SLC4A4: variants seen among roughly 807,000 people sequenced by gnomAD.
The protein encoded by SLC4A4 is electrogenic sodium bicarbonate cotransporter 1.
A neutral mutation model predicts 111.5 loss-of-function variants in SLC4A4; 27 were observed. The ratio of observed to expected loss-of-function variants is 0.24; its 90% CI spans 0.18 to 0.33. SLC4A4 has a LOEUF of 0.33. SLC4A4 is among the 10% of genes least tolerant of loss of function. The pLI is 1.00. For missense variants in SLC4A4, 909 were observed against 1,315.5 expected (o/e 0.69, Z 4.78); for synonymous variants, 443 against 463.4 (o/e 0.96, Z 0.57).
At chr4:71,087,346 A>G (rs1275367515) in intron 1 of SLC4A4, among the ~76,000 whole-genome samples, 1 of 151,696 alleles carries the variant, frequency 6.6e-6, no homozygotes, top group Non-Finnish European at 1.5e-5. Flanking sequence ...TGATCTTTTC[A>G]AAAAACCAGC....
chr4:71,409,735 A>T (rs1163290243), intron 7 of SLC4A4, among the ~76,000 whole-genome samples: 1 of 152,220 alleles, frequency 6.6e-6, no homozygotes, highest in Non-Finnish European at 1.5e-5. Context: ...TTATTCCCCA[A>T]GACCATGGGA....
chr4:71,479,825 A>G (rs1728708489), intron 14 of SLC4A4, among the ~76,000 whole-genome samples: 1 of 151,728 alleles, frequency 6.6e-6, no homozygotes, highest in Non-Finnish European at 1.5e-5. Flanking sequence ...ATGTTTTAGC[A>G]GTTTCTGCAT....
intron 1 of SLC4A4, among the ~76,000 whole-genome samples, chr4:71,071,777 T>G (rs1741670816): frequency 6.6e-6 from 1 of 152,234 alleles, no homozygotes; most frequent in African/African-American, 2.4e-5. Flanking sequence ...CTTGGAAGGT[T>G]GCATATGATT....
In SLC4A4 at chr4:71,440,699, T is replaced by C; in HGVS notation, c.891T>C (p.Thr297=). The C allele has an allele frequency of 6.2e-7, 1 of 1,614,132 alleles. No homozygotes were observed. The highest frequency in any genetic ancestry group is 8.5e-7 in the Non-Finnish European group (1 of 1,179,990). Residue 297 remains threonine (T), a synonymous_variant, in exon 8 of 26, where the codon ACT becomes ACC. Coordinates refer to ENST00000264485, the MANE Select transcript of SLC4A4 (RefSeq NM_001098484.3). The part of the protein sequence containing the change: ...VLVGEVDFLD[T]PFIAFVRLQQ... ...TTGGGGAGGTTGACTTTTTGGATAC[T>C]CCTTTCATTGCCTTTGTTAGGCTAC...
chr4:71,081,473 C>G (rs1426905849), intron 1 of SLC4A4, among the ~76,000 whole-genome samples: 1 of 152,098 alleles, frequency 6.6e-6, no homozygotes, highest in African/African-American at 2.4e-5. Flanking sequence ...TCCACACCCC[C>G]ACCATGGCTG....
In SLC4A4 at chr4:71,072,951, A is replaced by G. The variant is rs533682477; in HGVS notation, c.-65+10163A>G. 2.6e-5 allele frequency among the ~76,000 whole-genome samples: 4 copies of G among 151,764 alleles called. No homozygotes were observed. In the South Asian group the frequency reaches 6.3e-4, roughly 24 times the overall value. On this transcript the variant is annotated intron_variant, in intron 1 of 26. Transcript: ENST00000649996. The stretch of plus-strand genomic sequence containing the variant: ...CCCAGTTAATTTTTGTATTATTATT[A>G]TTATTATTATTTTGGTAGAGACGGG...
intron 2 of SLC4A4, among the ~76,000 whole-genome samples, chr4:71,108,691 T>G (rs1743008605): frequency 6.6e-6 from 1 of 152,174 alleles, no homozygotes; most frequent in Non-Finnish European, 1.5e-5. Flanking sequence ...CCATCAAATT[T>G]GGGGAATTTT....
chr4:71,168,159 A>G (rs1328375883), intron 2 of SLC4A4, among the ~76,000 whole-genome samples: 1 of 151,350 alleles, frequency 6.6e-6, no homozygotes, highest in African/African-American at 2.4e-5. Flanking sequence ...TTTGTGTTAC[A>G]AACAATTCAA....
At chr4:71,463,321 A>G (rs1379300674) in intron 12 of SLC4A4, among the ~76,000 whole-genome samples, 1 of 152,226 alleles carries the variant, frequency 6.6e-6, no homozygotes, top group Non-Finnish European at 1.5e-5. Context: ...AACACTGAAT[A>G]TAATAAATCA....
chr4:71,072,731 T>G (rs1328228959), intron 1 of SLC4A4, among the ~76,000 whole-genome samples: 1 of 152,076 alleles, frequency 6.6e-6, no homozygotes, highest in African/African-American at 2.4e-5. Flanking sequence ...GGTCCTTTTT[T>G]TTGTTGTTGC....
chr4:71,255,629 A>G (rs1230930802), intron 3 of SLC4A4, among the ~76,000 whole-genome samples: 2 of 152,172 alleles, frequency 1.3e-5, no homozygotes, highest in African/African-American at 2.4e-5. Context: ...GACTAAGTTT[A>G]GGCATAGCTG....
chr4:71,086,124 CT>C (rs1331204509), intron 1 of SLC4A4, among the ~76,000 whole-genome samples: 3 of 151,210 alleles, frequency 2.0e-5, no homozygotes, highest in Non-Finnish European at 4.4e-5. Context: ...CTTCACGTCC[CT>C]TGTAAGTTGG....
chr4:71,438,701 T>G (rs1321273641), intron 7 of SLC4A4, among the ~76,000 whole-genome samples: 12 of 152,126 alleles, frequency 7.9e-5, no homozygotes, highest in Admixed American at 7.9e-4. Flanking sequence ...TTAATAACAT[T>G]TATTCAAAAT....
intron 2 of SLC4A4, among the ~76,000 whole-genome samples, chr4:71,128,476 A>T (rs895756385): frequency 7.9e-5 from 12 of 152,136 alleles, no homozygotes; most frequent in African/African-American, 2.9e-4. Flanking sequence ...AAGAAAAAAA[A>T]TTGGGGTATC....
chr4:71,311,882 C>T (rs1208281493), intron 3 of SLC4A4, among the ~76,000 whole-genome samples: 10 of 55,772 alleles, frequency 1.8e-4, no homozygotes, highest in Admixed American at 1.2e-3. Flanking sequence ...AGCAAATGTG[C>T]AAGGCTGTGA....
chr4:71,343,053 A>G (rs1193431818), intron 4 of SLC4A4, among the ~76,000 whole-genome samples: 4 of 152,200 alleles, frequency 2.6e-5, no homozygotes, highest in African/African-American at 9.6e-5. Context: ...CCCTCATTAC[A>G]TTAATTTATC....
intron 3 of SLC4A4, among the ~76,000 whole-genome samples, chr4:71,322,309 T>A (rs1327768427): frequency 3.3e-5 from 5 of 151,944 alleles, no homozygotes; most frequent in Non-Finnish European, 5.9e-5. Context: ...AAGTCAGAAG[T>A]CCTAAAGATT....
At chr4:71,482,046 C>CAT (rs1728932163) in intron 14 of SLC4A4, among the ~76,000 whole-genome samples, 1 of 151,574 alleles carries the variant, frequency 6.6e-6, no homozygotes, top group African/African-American at 2.4e-5. Context: ...TTGCAGATTC[C>CAT]ATATAAATGG....
intron 1 of SLC4A4, among the ~76,000 whole-genome samples, chr4:71,086,780 C>T (rs943545513): frequency 1.3e-5 from 2 of 151,972 alleles, no homozygotes; most frequent in Non-Finnish European, 2.9e-5. Context: ...AGATAAGCTT[C>T]TTGATGGGCT....
Sources: allele counts gnomAD v4.1 joint callset (sites outside exome capture counted in the v4.1 genomes callset), GRCh38; gene constraint gnomAD v4.1.1; transcripts MANE v1.5; gene names NCBI Gene and HGNC (gene_info 2026-07-23, HGNC 2026-07-21).